JMJD1C: variants seen among roughly 807,000 people sequenced by gnomAD.
The protein encoded by JMJD1C is jumonji domain-containing protein 1C.
JMJD1C carries 31 observed loss-of-function variants against 245.3 expected under a neutral mutation model. That is an observed-to-expected ratio of 0.13 (90% CI 0.09 to 0.17). The LOEUF is 0.17. Ranked by LOEUF, JMJD1C falls within the 10% of genes least tolerant of loss-of-function variation. The pLI is 1.00. For missense variants in JMJD1C, 2,691 were observed against 3,000.2 expected (o/e 0.90, Z 2.41); for synonymous variants, 1,057 against 1,017.4 (o/e 1.04, Z -0.74).
intron 1 of JMJD1C, among the ~76,000 whole-genome samples, chr10:63,505,870 A>G (rs1267252682): frequency 7.1e-6 from 1 of 140,890 alleles, no homozygotes; most frequent in African/African-American, 2.6e-5. Context: ...GCCTGAGATA[A>G]AGTCTTACAG....
intron 2 of JMJD1C, among the ~76,000 whole-genome samples, chr10:63,333,893 A>G (rs1458227375): frequency 2.0e-5 from 3 of 152,234 alleles, no homozygotes; most frequent in Non-Finnish European, 2.9e-5. Flanking sequence ...TTTTTCCAGC[A>G]AAATATCTGT....
chr10:63,281,382 A>T (rs1308210066), intron 2 of JMJD1C, among the ~76,000 whole-genome samples: 1 of 133,780 alleles, frequency 7.5e-6, no homozygotes, highest in Non-Finnish European at 1.6e-5. Context: ...ACTGGTTTTG[A>T]ACTCCTGACC....
chr10:63,416,892 A>G (rs1206119060), intron 1 of JMJD1C, among the ~76,000 whole-genome samples: 1 of 152,206 alleles, frequency 6.6e-6, no homozygotes, highest in East Asian at 1.9e-4. Flanking sequence ...CACACTGCAA[A>G]AAGTGCTGCA....
chr10:63,236,489 C>T (rs77731585), intron 3 of JMJD1C, among the ~76,000 whole-genome samples: 13,188 of 152,190 alleles, frequency 0.087, 801 homozygotes, highest in Non-Finnish European at 0.14. Context: ...GTTCAAAAGT[C>T]TGGAAGGCAG....
intron 16 of JMJD1C, among the ~76,000 whole-genome samples, chr10:63,191,983 CAAAAAAAAAAAAAA>C (rs10652559): frequency 1.6e-5 from 1 of 60,824 alleles, no homozygotes; most frequent in African/African-American, 9.8e-5. Flanking sequence ...GACTCTGTCT[CAAAAAAAAAAAAAA>C]AAAAAAAAAA....
In JMJD1C at chr10:63,465,727, T is replaced by C; in HGVS notation, c.-65A>G. ...GAGGGAACCGATGAAACCTCACTCC[T>C]ACCGGCCGCTCATGCTGAGGAGAGC... On this transcript the variant is annotated 5_prime_UTR_variant, in exon 1 of 26. An upstream open reading frame in the 5' UTR loses its in-frame stop. Coordinates refer to ENST00000399262, the MANE Select transcript of JMJD1C (RefSeq NM_032776.3). 1 of 1,569,084 alleles carries C rather than the reference T, an allele frequency of 6.4e-7. No individual in the cohort carries two copies. Among genetic ancestry groups the C allele is most frequent in the Non-Finnish European group, 8.7e-7 (1 of 1,154,386 alleles).
At chr10:63,355,802 G>A (rs563316931) in intron 2 of JMJD1C, among the ~76,000 whole-genome samples, 2 of 151,824 alleles carry the variant, frequency 1.3e-5, no homozygotes, top group South Asian at 4.2e-4. Context: ...ATACAATAAT[G>A]AGATGGGCGC....
intron 1 of JMJD1C, among the ~76,000 whole-genome samples, chr10:63,483,131 C>T (rs1283300636): frequency 6.6e-6 from 1 of 152,134 alleles, no homozygotes; most frequent in African/African-American, 2.4e-5. Context: ...AATTGGTCAA[C>T]TGGATTGTTC....
intron 10 of JMJD1C, chr10:63,203,807 GT>G: frequency 1.0e-6 from 1 of 958,280 alleles, no homozygotes; most frequent in Non-Finnish European, 1.2e-6. Context: ...AATTATACAT[GT>G]ATAACGGTGT....
At position 63,207,660 on chromosome 10, in the gene JMJD1C, C is replaced by A. The variant is rs757261672; in HGVS notation, c.4009G>T (p.Ala1337Ser). 2.9e-5 allele frequency: 47 copies of A among 1,613,950 alleles called. No homozygotes were observed. Among genetic ancestry groups the A allele is most frequent in the Non-Finnish European group, 4.0e-5 (47 of 1,180,016 alleles). ...DRVSERSSAG[A>S]HKTDCLKLAE... The stretch of plus-strand genomic sequence containing the variant: ...AGTTTGAGGCAATCTGTTTTATGTG[C>A]CCCAGCTGAAGATCTTTCACTAACA... The change falls in exon 10 of 26, where the codon GCA (alanine) becomes TCA (serine). Residue 1337 changes from alanine to serine, a missense_variant. By Grantham distance (99) the Ala-to-Ser change is moderately conservative. Transcript: ENST00000399262.
chr10:63,309,761 T>C (rs186320387), intron 2 of JMJD1C, among the ~76,000 whole-genome samples: 1 of 151,468 alleles, frequency 6.6e-6, no homozygotes, highest in Non-Finnish European at 1.5e-5. Flanking sequence ...TACTAAAAAT[T>C]CAAAAATTAG....
Position 63,465,895 on chromosome 10 carries a change from C to A in JMJD1C, c.-233G>T. 1 of 649,088 alleles carries A rather than the reference C, an allele frequency of 1.5e-6. No homozygotes were observed. The highest frequency in any genetic ancestry group is 2.8e-6 in the Non-Finnish European group (1 of 359,526). The allele number at this position is 649,088 out of a possible 1,614,324, so 40.2% of individuals were successfully genotyped here. A position where few individuals can be genotyped will look rare whatever the true frequency, so the allele number is the denominator to read the frequency against. ...CGCAGCCTTGTGCTGCAGCGCCACA[C>A]AAGAAAACTGAAACAAAACCCAACG... is the stretch of plus-strand genomic sequence containing the variant. On this transcript the variant is annotated 5_prime_UTR_variant, in exon 1 of 26. Coordinates refer to ENST00000399262, the MANE Select transcript of JMJD1C (RefSeq NM_032776.3).
chr10:63,514,836 C>T (rs375831704), intron 1 of JMJD1C, among the ~76,000 whole-genome samples: 5 of 152,124 alleles, frequency 3.3e-5, no homozygotes, highest in East Asian at 3.8e-4. Flanking sequence ...TTCCAACATT[C>T]CTGCCATATT....
chr10:63,521,585 CCTCTCACTG>C, intron 1 of JMJD1C: 1 of 1,414,052 alleles, frequency 7.1e-7, no homozygotes. Context: ...GGTGTAAGTG[CCTCTCACTG>C]CGCCCTGCAG....
intron 1 of JMJD1C, among the ~76,000 whole-genome samples, chr10:63,492,286 TAA>T (rs1189550970): frequency 1.3e-5 from 2 of 152,130 alleles, no homozygotes; most frequent in African/African-American, 4.8e-5. Flanking sequence ...AAACTCCAAA[TAA>T]AAAGATTCCT....
chr10:63,376,223 T>C (rs887324372), intron 2 of JMJD1C, among the ~76,000 whole-genome samples: 3 of 151,256 alleles, frequency 2.0e-5, no homozygotes, highest in African/African-American at 7.3e-5. Flanking sequence ...CTGGAAAAAG[T>C]GGACATCTAC....
At chr10:63,482,378 G>A (rs1953856991) in intron 1 of JMJD1C, among the ~76,000 whole-genome samples, 1 of 152,172 alleles carries the variant, frequency 6.6e-6, no homozygotes, top group African/African-American at 2.4e-5. Flanking sequence ...GCTGACACCT[G>A]TAATCCCAGC....
At chr10:63,194,449 G>C in intron 13 of JMJD1C, 74 bp from the exon 14 acceptor site, 1 of 987,186 alleles carries the variant, frequency 1.0e-6, no homozygotes, top group Non-Finnish European at 1.6e-6. Context: ...AGAACTTAAC[G>C]ATTATATAAA....
intron 1 of JMJD1C, among the ~76,000 whole-genome samples, chr10:63,464,023 T>C (rs1952994763): frequency 6.6e-6 from 1 of 152,110 alleles, no homozygotes; most frequent in Non-Finnish European, 1.5e-5. Context: ...GTCTCACCTA[T>C]GTTGCCCAGG....
Sources: allele counts gnomAD v4.1 joint callset (sites outside exome capture counted in the v4.1 genomes callset), GRCh38; gene constraint gnomAD v4.1.1; transcripts MANE v1.5; gene names NCBI Gene and HGNC (gene_info 2026-07-23, HGNC 2026-07-21).